Variants in HDAC7 observed in about 807,000 individuals in gnomAD.
HDAC7 encodes histone deacetylase 7.
Under a neutral mutation model 115.5 loss-of-function variants are expected in HDAC7, and 26 were observed. The ratio of observed to expected loss-of-function variants is 0.23; its 90% CI spans 0.16 to 0.31. The LOEUF is 0.31. HDAC7 is among the 10% of genes least tolerant of loss of function. HDAC7 has a pLI of 1.00. For synonymous variants in HDAC7, 564 were observed against 550.9 expected (o/e 1.02, Z -0.33); for missense variants, 1,068 against 1,329.0 (o/e 0.80, Z 3.05).
In HDAC7 at chr12:47,798,066, G is replaced by A. The variant is rs374366258; in HGVS notation, c.461+42C>T. 8.6e-5 allele frequency: 120 copies of A among 1,391,518 alleles called. No individual in the cohort carries two copies. Among genetic ancestry groups the A allele is most frequent in the Non-Finnish European group, 1.2e-4 (115 of 977,244 alleles). The allele number at this position is 1,391,518 out of a possible 1,614,324, so 86.2% of individuals were successfully genotyped here. A position where few individuals can be genotyped will look rare whatever the true frequency, so the allele number is the denominator to read the frequency against. Reference sequence around the variant, plus strand: ...TGGCTAACACGGGGGCGGGGGTGGAGGGTGCATGTGGGGACAGGAGGGCAG... The same window carrying A: ...TGGCTAACACGGGGGCGGGGGTGGAAGGTGCATGTGGGGACAGGAGGGCAG... On this transcript the variant is annotated intron_variant, in intron 5 of 25. Coordinates refer to ENST00000080059, the MANE Select transcript of HDAC7 (RefSeq NM_015401.5). This position sits in a 1 kb window ranked among gnomAD's most constrained non-coding sequence, Gnocchi z 4.3.
At position 47,789,435 on chromosome 12, in the gene HDAC7, C is replaced by G; in HGVS notation, c.2148-87G>C. ...CCTGGGTTGGCCCAGCCTGAGAAAG[C>G]TCAGGGAAGAAGAGAGAATGTCCCT... On this transcript the variant is annotated intron_variant, in intron 18 of 25. Transcript: ENST00000080059. The G allele has an allele frequency of 7.0e-6, 11 of 1,580,948 alleles. No individual in the cohort carries two copies. The South Asian group carries it at 1.1e-4, about 16-fold the overall frequency.
chr12:47,789,928 A>T lies in HDAC7; in HGVS notation c.1984-8T>A. Reference sequence around the variant, plus strand: ...GATGGTGTCAGTGTCCACCTGCGGGAGCCAGAGTCAGGGCCCGCATCATCC... The same window carrying T: ...GATGGTGTCAGTGTCCACCTGCGGGTGCCAGAGTCAGGGCCCGCATCATCC... On this transcript the variant is annotated splice_polypyrimidine_tract_variant and splice_region_variant and intron_variant, in intron 16 of 25. Transcript: ENST00000080059. The T allele has an allele frequency of 6.3e-7, 1 of 1,593,202 alleles. No individual in the cohort carries two copies. Among genetic ancestry groups the T allele is most frequent in the Non-Finnish European group, 8.6e-7 (1 of 1,161,912 alleles).
chr12:47,784,162 A>T lies in HDAC7; in HGVS notation c.2847T>A (p.Pro949=), dbSNP rs569226330. The change falls in exon 25 of 26, where the codon CCT becomes CCA. Residue 949 remains proline, a synonymous_variant. Transcript: ENST00000080059. ...CTTCTTTGTCAGCCCCTGGCACTCT[A>T]GGCACCCAGGAGTCTGGACAGGAGG... The part of the protein sequence containing the change: ...RLASCPDSWV[P]RVPGADKEEV... 2.6e-4 allele frequency: 418 copies of T among 1,613,484 alleles called. 9 individuals are homozygous for T. The South Asian group carries it at 4.5e-3, about 17-fold the overall frequency.
intron 1 of HDAC7, among the ~76,000 whole-genome samples, chr12:47,813,743 C>T (rs966499328): frequency 2.0e-5 from 3 of 152,142 alleles, no homozygotes; most frequent in African/African-American, 7.2e-5. Context: ...GCCTGGGAGT[C>T]GGGAAGAGCA....
intron 1 of HDAC7, among the ~76,000 whole-genome samples, chr12:47,817,104 G>T (rs1412553296): frequency 6.6e-6 from 1 of 152,190 alleles, no homozygotes; most frequent in Non-Finnish European, 1.5e-5. Context: ...GAAACAGGGG[G>T]AAAATATTAC....
Position 47,783,668 on chromosome 12 carries a change from C to A in HDAC7, c.*173G>T. On this transcript the variant is annotated 3_prime_UTR_variant, in exon 26 of 26. Coordinates refer to ENST00000080059, the MANE Select transcript of HDAC7 (RefSeq NM_015401.5). ...GGTCCTCTCCAGTTCCCATTCTAGA[C>A]CCAGGGATTTTCTCACGCTCCCTGG... 6 of 709,690 alleles carry A rather than the reference C, an allele frequency of 8.5e-6. No individual in the cohort carries two copies. The highest frequency in any genetic ancestry group is 1.7e-5 in the South Asian group (1 of 58,320). The allele number at this position is 709,690 out of a possible 1,614,324, so 44.0% of individuals were successfully genotyped here.
In HDAC7 at chr12:47,795,054, G is replaced by A; in HGVS notation, c.1285-121C>T. On this transcript the variant is annotated intron_variant, in intron 11 of 25. Transcript: ENST00000080059. This position sits in a 1 kb window ranked among gnomAD's most constrained non-coding sequence, Gnocchi z 4.3. ...GGACTCCAGCTGCCATGCAGCTCTG[G>A]GCCCCAAGAAGCCACATCCCCCTCT... 7.5e-7 allele frequency: 1 copy of A among 1,336,768 alleles called. No individual in the cohort carries two copies. Among genetic ancestry groups the A allele is most frequent in the East Asian group, 2.3e-5 (1 of 43,224 alleles). The allele number at this position is 1,336,768 out of a possible 1,614,324, so 82.8% of individuals were successfully genotyped here. A position where few individuals can be genotyped will look rare whatever the true frequency, so the allele number is the denominator to read the frequency against.
Position 47,795,271 on chromosome 12 carries a change from G to A in HDAC7, c.1197C>T (p.Pro399=), listed in dbSNP as rs1943751005. 1 of 1,612,508 alleles carries A rather than the reference G, an allele frequency of 6.2e-7. No individual in the cohort carries two copies. Among genetic ancestry groups the A allele is most frequent in the Non-Finnish European group, 8.5e-7 (1 of 1,179,042 alleles). The change falls in exon 11 of 26, where the codon CCC becomes CCT. Residue 399 remains proline (P), a synonymous_variant. Coordinates refer to ENST00000080059, the MANE Select transcript of HDAC7 (RefSeq NM_015401.5). The surrounding 1 kb of genome is among the most constrained non-coding windows in gnomAD (Gnocchi z 4.3). ...HWPLSRTRSE[P]LPPSATAPPP... ...GGGGAGCGGTGGCACTGGGGGGCAG[G>A]GGCTCTGAGCGAGTCCGGCTCAGTG...
At position 47,788,048 on chromosome 12, in the gene HDAC7, A is replaced by T. The variant is rs748979045; in HGVS notation, c.2352T>A (p.Asp784Glu). Reference sequence around the variant, plus strand: ...TGTGGCCCTGACATGCGGTTACCTCATCCACAGCCCCACTCCCCGGGAAGA... The same window carrying T: ...TGTGGCCCTGACATGCGGTTACCTCTTCCACAGCCCCACTCCCCGGGAAGA... ...GNFFPGSGAV[D>E]EVGAGSGEGF... Residue 784 changes from aspartate (D) to glutamate (E), a missense_variant, in exon 20 of 26, where the codon GAT becomes GAA. By Grantham distance (45) the Asp-to-Glu change is conservative. Transcript: ENST00000080059. 6.2e-7 allele frequency: 1 copy of T among 1,609,410 alleles called. No homozygotes were observed. The highest frequency in any genetic ancestry group is 1.3e-5 in the African/African-American group (1 of 74,838).
rs913656316 is a variant in HDAC7, at chr12:47,791,304, G to A, written c.1938C>T (p.Leu646=). ...LKLDNGKLAG[L]LAQRMFVMLP... ...GCATCACAAACATCCGCTGTGCCAG[G>A]AGCCCTGCGGGGAGAGGCCCAGCCC... Residue 646 remains leucine (L), a synonymous_variant, in exon 16 of 26, where the codon CTC becomes CTT. Transcript: ENST00000080059. 2 of 1,593,990 alleles carry A rather than the reference G, an allele frequency of 1.3e-6. No individual in the cohort carries two copies. Among genetic ancestry groups the A allele is most frequent in the Non-Finnish European group, 1.7e-6 (2 of 1,170,190 alleles).
intron 14 of HDAC7, 22 bp from the exon 15 acceptor site, chr12:47,791,728 T>C: frequency 6.2e-7 from 1 of 1,612,434 alleles, no homozygotes. Context: ...ACCACAGAGC[T>C]CTGAGCTCAT....
chr12:47,800,464 C>T (rs945255794), intron 2 of HDAC7, among the ~76,000 whole-genome samples: 2 of 152,182 alleles, frequency 1.3e-5, no homozygotes, highest in African/African-American at 4.8e-5. Flanking sequence ...CCGCCATGTC[C>T]CCCGAATATC....
intron 12 of HDAC7, among the ~76,000 whole-genome samples, chr12:47,794,325 G>C (rs993943537): frequency 6.6e-6 from 1 of 152,226 alleles, no homozygotes; most frequent in Non-Finnish European, 1.5e-5. Flanking sequence ...AAGGCGCCCA[G>C]CCTGTATCCC....
In HDAC7 at chr12:47,797,303, C is replaced by CCCCCCCCCCCCCCAACA; in HGVS notation, c.577+80_577+81insTGTTGGGGGGGGGGGGG. The CCCCCCCCCCCCCCAACA allele has an allele frequency of 7.3e-7, 1 of 1,368,314 alleles. No homozygotes were observed. The highest frequency in any genetic ancestry group is 1.0e-6 in the Non-Finnish European group (1 of 969,150). 84.8% of individuals were successfully genotyped at this position (1,368,314 alleles called of 1,614,324 possible). A position where few individuals can be genotyped will look rare whatever the true frequency, so the allele number is the denominator to read the frequency against. ...ATCTCCTGGCCCAGCCCAGCCCGCC[C>CCCCCCCCCCCCCCAACA]ACCCCTGCACACTCCTCCCCCATGT... is the stretch of plus-strand genomic sequence containing the variant. On this transcript the variant is annotated intron_variant, in intron 6 of 25. Transcript: ENST00000080059. This position sits in a 1 kb window ranked among gnomAD's most constrained non-coding sequence, Gnocchi z 5.5.
In HDAC7 at chr12:47,793,213, A is replaced by G; in HGVS notation, c.1678+156T>C. The G allele has an allele frequency of 3.4e-6, 2 of 580,922 alleles. No homozygotes were observed. The highest frequency in any genetic ancestry group is 2.6e-5 in the South Asian group (1 of 38,760). 36.0% of individuals were successfully genotyped at this position (580,922 alleles called of 1,614,324 possible). A position where few individuals can be genotyped will look rare whatever the true frequency, so the allele number is the denominator to read the frequency against. On this transcript the variant is annotated intron_variant, in intron 13 of 25. Coordinates refer to ENST00000080059, the MANE Select transcript of HDAC7 (RefSeq NM_015401.5). This position sits in a 1 kb window ranked among gnomAD's most constrained non-coding sequence, Gnocchi z 4.5. ...TTGGTCCTCATCGGCCAAATGCAAT[A>G]ACCAGCTGTTCCATGTGCTCCATGG...
chr12:47,788,066 C>A lies in HDAC7; in HGVS notation c.2334G>T (p.Pro778=). ...LHRHDDGNFF[P]GSGAVDEVGA... Reference sequence around the variant, plus strand: ...TTACCTCATCCACAGCCCCACTCCCCGGGAAGAAGTTGCCGTCGTCATGGC... The same window carrying A: ...TTACCTCATCCACAGCCCCACTCCCAGGGAAGAAGTTGCCGTCGTCATGGC... Residue 778 remains proline (P), a synonymous_variant, in exon 20 of 26, where the codon CCG becomes CCT. Coordinates refer to ENST00000080059, the MANE Select transcript of HDAC7 (RefSeq NM_015401.5). 4 of 1,612,608 alleles carry A rather than the reference C, an allele frequency of 2.5e-6. No homozygotes were observed. Among genetic ancestry groups the A allele is most frequent in the Non-Finnish European group, 3.4e-6 (4 of 1,179,146 alleles).
intron 8 of HDAC7, 21 bp from the exon 9 acceptor site, chr12:47,796,037 A>AG (rs753096339): frequency 1.3e-6 from 2 of 1,547,790 alleles, no homozygotes; most frequent in South Asian, 2.4e-5. Flanking sequence ...GAGCAGGGCG[A>AG]GGGTCACCGG....
intron 1 of HDAC7, among the ~76,000 whole-genome samples, chr12:47,807,625 C>T (rs895269600): frequency 6.6e-6 from 1 of 151,988 alleles, no homozygotes; most frequent in African/African-American, 2.4e-5. Flanking sequence ...CCTAGATGGG[C>T]ATGCAGAAAG....
intron 1 of HDAC7, chr12:47,802,596 T>C (rs1007727485): frequency 1.1e-6 from 1 of 930,402 alleles, no homozygotes; most frequent in South Asian, 1.6e-5. Context: ...TGTGGTCAGA[T>C]ACAATCTTCC....
Sources: allele counts gnomAD v4.1 joint callset (sites outside exome capture counted in the v4.1 genomes callset), GRCh38; gene constraint gnomAD v4.1.1; non-coding constraint Gnocchi (gnomAD v3.1); transcripts MANE v1.5; gene names NCBI Gene and HGNC (gene_info 2026-07-23, HGNC 2026-07-21).